The following TMEM26 variants were observed in gnomAD, a reference collection of about 807,000 sequenced individuals.
The protein encoded by TMEM26 is transmembrane protein 26.
TMEM26 carries 38 observed loss-of-function variants against 28.8 expected under a neutral mutation model. The ratio of observed to expected loss-of-function variants is 1.32; its 90% CI spans 1.02 to 1.73. TMEM26 has a LOEUF of 1.73. Ranked by LOEUF, TMEM26 falls within the 40% of genes most tolerant of loss-of-function variation. TMEM26 has a pLI of 0.00. For synonymous variants in TMEM26, 227 were observed against 182.9 expected (o/e 1.24, Z -1.95); for missense variants, 518 against 447.1 (o/e 1.16, Z -1.43).
At chr10:61,438,291 T>C (rs1186131218) in intron 1 of TMEM26, among the ~76,000 whole-genome samples, 1 of 152,042 alleles carries the variant, frequency 6.6e-6, no homozygotes. Flanking sequence ...TAGCATGCTC[T>C]TAGAAAAAAA....
intron 4 of TMEM26, among the ~76,000 whole-genome samples, chr10:61,425,993 T>A (rs186024848): frequency 2.0e-4 from 31 of 152,232 alleles, no homozygotes; most frequent in African/African-American, 6.7e-4. Flanking sequence ...CAGTGAATCC[T>A]CTTAGCAACA....
chr10:61,432,325 G>A (rs547143237), intron 2 of TMEM26, among the ~76,000 whole-genome samples: 1 of 152,194 alleles, frequency 6.6e-6, no homozygotes, highest in South Asian at 2.1e-4. Flanking sequence ...TTCAACAACA[G>A]ACATGAAAAA....
intron 5 of TMEM26, chr10:61,413,032 A>T: frequency 8.7e-7 from 1 of 1,150,494 alleles, no homozygotes; most frequent in Non-Finnish European, 1.1e-6. Context: ...TCTTACAAAT[A>T]ATAAGAAATA....
rs1589038261 is a variant in TMEM26 at position 61,434,899 on chromosome 10, T to C, written c.270+1271A>G. On this transcript the variant is annotated intron_variant, in intron 2 of 5. Transcript: ENST00000399298. ...TGACCAACTATAACAAAGAAATCTATGTAAGTCCAAATTCTCGAAGATCTT... is the reference window on the plus strand; with the variant it reads ...TGACCAACTATAACAAAGAAATCTACGTAAGTCCAAATTCTCGAAGATCTT... Among the ~76,000 whole-genome samples the C allele has an allele frequency of 3.9e-5, 6 of 152,346 alleles. No individual in the cohort carries two copies. The South Asian group carries it at 8.3e-4, about 21-fold the overall frequency.
rs571732492 is a variant in TMEM26 at position 61,452,481 on chromosome 10, C to T, written c.191+410G>A. ...GCTGATGCCCAGCGAAGGACATTCC[C>T]ACATGTGCACGCACGCAGAGTAACC... On this transcript the variant is annotated intron_variant, in intron 1 of 5. Transcript: ENST00000399298. Among the ~76,000 whole-genome samples, 4 of 152,342 alleles carry T rather than the reference C, an allele frequency of 2.6e-5. No individual in the cohort carries two copies. The South Asian group carries it at 8.3e-4, about 32-fold the overall frequency.
chr10:61,452,203 T>G (rs564953660), intron 1 of TMEM26, among the ~76,000 whole-genome samples: 5 of 152,304 alleles, frequency 3.3e-5, no homozygotes, highest in South Asian at 2.1e-4. Context: ...GTGTAGTTAT[T>G]GCACACAGAC....
At chr10:61,424,968 A>C (rs1360673953) in intron 4 of TMEM26, among the ~76,000 whole-genome samples, 1 of 152,190 alleles carries the variant, frequency 6.6e-6, no homozygotes, top group African/African-American at 2.4e-5. Context: ...GTAAGAACTA[A>C]AACATTCTAC....
In TMEM26 at chr10:61,434,277, T is replaced by C. The variant is rs570790002; in HGVS notation, c.270+1893A>G. Among the ~76,000 whole-genome samples, 5 of 152,310 alleles carry C rather than the reference T, an allele frequency of 3.3e-5. No homozygotes were observed. In the South Asian group the frequency reaches 1.0e-3, roughly 32 times the overall value. On this transcript the variant is annotated intron_variant, in intron 2 of 5. Coordinates refer to ENST00000399298, the MANE Select transcript of TMEM26 (RefSeq NM_178505.8). ...ACTACTAAAGGTTCAGTTTCTTTTG[T>C]AGTTTGAAAATTAGAGAGCTACTGC...
At position 61,407,500 on chromosome 10, in the gene TMEM26, A is replaced by G. The variant is rs1839511001; in HGVS notation, c.*2822T>C. The G allele has an allele frequency of 6.6e-6, 1 of 152,186 alleles. No homozygotes were observed. Among genetic ancestry groups the G allele is most frequent in the South Asian group, 2.1e-4 (1 of 4,834 alleles). The allele number at this position is 152,186 out of a possible 1,614,324, so 9.4% of individuals were successfully genotyped here. On this transcript the variant is annotated 3_prime_UTR_variant, in exon 6 of 6. Transcript: ENST00000399298. Reference sequence around the variant, plus strand: ...ATTAAAAGAATAATCAAAGATAAAGACAGTTTACTAATGTTACTATGTCAA... The same window carrying G: ...ATTAAAAGAATAATCAAAGATAAAGGCAGTTTACTAATGTTACTATGTCAA...
chr10:61,430,991 A>T (rs1458178105), intron 3 of TMEM26, among the ~76,000 whole-genome samples: 1 of 152,074 alleles, frequency 6.6e-6, no homozygotes, highest in Non-Finnish European at 1.5e-5. Flanking sequence ...TTAATGATGC[A>T]GGTTAAATAT....
At chr10:61,430,666 C>T (rs1839906636) in intron 3 of TMEM26, among the ~76,000 whole-genome samples, 1 of 151,300 alleles carries the variant, frequency 6.6e-6, no homozygotes. Flanking sequence ...TTCCTATATA[C>T]TAGCAAAGAA....
intron 4 of TMEM26, among the ~76,000 whole-genome samples, chr10:61,422,837 A>G (rs1383331538): frequency 6.6e-6 from 1 of 152,162 alleles, no homozygotes; most frequent in East Asian, 1.9e-4. Context: ...GAAACCAGTG[A>G]GGTGGAAAAC....
intron 1 of TMEM26, among the ~76,000 whole-genome samples, chr10:61,451,866 T>C (rs1204297641): frequency 6.6e-6 from 1 of 152,162 alleles, no homozygotes; most frequent in Non-Finnish European, 1.5e-5. Flanking sequence ...TATGTAAAAC[T>C]GTAGAGGGGT....
chr10:61,417,065 A>G (rs1839663503), intron 4 of TMEM26, among the ~76,000 whole-genome samples: 1 of 152,044 alleles, frequency 6.6e-6, no homozygotes. Flanking sequence ...AGACAGTAAA[A>G]ATTCTCAGGA....
intron 2 of TMEM26, among the ~76,000 whole-genome samples, chr10:61,433,634 A>G (rs1231915576): frequency 6.6e-6 from 1 of 152,164 alleles, no homozygotes; most frequent in African/African-American, 2.4e-5. Flanking sequence ...GTAAGAAATT[A>G]GTTATCTAGG....
intron 3 of TMEM26, among the ~76,000 whole-genome samples, chr10:61,430,590 C>T (rs1839905498): frequency 6.6e-6 from 1 of 150,938 alleles, no homozygotes; most frequent in Non-Finnish European, 1.5e-5. Flanking sequence ...AAAAAACCTC[C>T]TGAAACTAGT....
chr10:61,430,604 C>T (rs1277164953), intron 3 of TMEM26, among the ~76,000 whole-genome samples: 2 of 148,426 alleles, frequency 1.3e-5, no homozygotes, highest in African/African-American at 4.9e-5. Context: ...AACTAGTAAA[C>T]GTTTATAGCA....
At chr10:61,417,167 G>C (rs1305562927) in intron 4 of TMEM26, among the ~76,000 whole-genome samples, 1 of 151,978 alleles carries the variant, frequency 6.6e-6, no homozygotes, top group African/African-American at 2.4e-5. Flanking sequence ...ATTCACCACT[G>C]TCCCATGTGT....
At position 61,410,304 on chromosome 10, in the gene TMEM26, A is replaced by C. The variant is rs1017686733; in HGVS notation, c.*18T>G. 2 of 1,590,862 alleles carry C rather than the reference A, an allele frequency of 1.3e-6. No homozygotes were observed. The highest frequency in any genetic ancestry group is 2.7e-5 in the African/African-American group (2 of 74,390). On this transcript the variant is annotated 3_prime_UTR_variant, in exon 6 of 6. Transcript: ENST00000399298. ...CCAGGGAGTCAGGTTCTAGCCGCAG[A>C]CCACTGTCAATCAATAACTAAGGGG...
Sources: allele counts gnomAD v4.1 joint callset (sites outside exome capture counted in the v4.1 genomes callset), GRCh38; gene constraint gnomAD v4.1.1; transcripts MANE v1.5; gene names NCBI Gene and HGNC (gene_info 2026-07-23, HGNC 2026-07-21).